Variants in RALGPS1 observed in about 807,000 individuals in gnomAD.
RALGPS1 encodes the protein Ral GEF with PH domain and SH3 binding motif 1.
RALGPS1 carries 19 observed loss-of-function variants against 78.8 expected under a neutral mutation model. That is an observed-to-expected ratio of 0.24 (90% CI 0.17 to 0.35). RALGPS1 has a LOEUF of 0.35. RALGPS1 is among the 10% of genes least tolerant of loss of function. RALGPS1 has a pLI of 1.00. For synonymous variants in RALGPS1, 228 were observed against 256.3 expected, an observed-to-expected ratio of 0.89 and a Z score of 1.06; for missense variants, 454 against 688.3, an observed-to-expected ratio of 0.66 and a Z score of 3.81.
intron 1 of RALGPS1, among the ~76,000 whole-genome samples, chr9:126,943,737 A>G (rs1161670443): frequency 6.6e-6 from 1 of 152,064 alleles, no homozygotes; most frequent in Non-Finnish European, 1.5e-5. Context: ...GACTGCTTTC[A>G]CTGCCCCTTT....
chr9:126,926,096 T>C (rs576140014), intron 1 of RALGPS1, among the ~76,000 whole-genome samples: 6 of 152,394 alleles, frequency 3.9e-5, no homozygotes, highest in African/African-American at 1.2e-4. Context: ...CATCTATTAC[T>C]GAAACATTAC....
chr9:127,060,133 C>A (rs1321770515), intron 7 of RALGPS1, among the ~76,000 whole-genome samples: 1 of 152,112 alleles, frequency 6.6e-6, no homozygotes, highest in Non-Finnish European at 1.5e-5. Flanking sequence ...CGGCTGCCCA[C>A]ACATGGGGGG....
At chr9:127,015,083 G>T (rs145307259) in intron 4 of RALGPS1, among the ~76,000 whole-genome samples, 6 of 152,118 alleles carry the variant, frequency 3.9e-5, no homozygotes, top group Non-Finnish European at 8.8e-5. Flanking sequence ...TTCCTTCCCT[G>T]TCTTTTTGTT....
chr9:127,120,870 C>G (rs1174841076), intron 8 of RALGPS1, among the ~76,000 whole-genome samples: 1 of 152,110 alleles, frequency 6.6e-6, no homozygotes, highest in African/African-American at 2.4e-5. Context: ...CTTCCCTTCC[C>G]TCTGTGCCAG....
At position 127,122,084 on chromosome 9, in the gene RALGPS1, G is replaced by A. The variant is rs1254450745; in HGVS notation, c.611-43985G>A. Among the ~76,000 whole-genome samples the A allele has an allele frequency of 6.6e-6, 1 of 152,196 alleles. No homozygotes were observed. Among genetic ancestry groups the A allele is most frequent in the Non-Finnish European group, 1.5e-5 (1 of 68,030 alleles). Reference sequence around the variant, plus strand: ...AAAGAGGAGAGTGAGGCTTACTCATGAAGTCCTCGAGATGCCAGCCCATGA... The same window carrying A: ...AAAGAGGAGAGTGAGGCTTACTCATAAAGTCCTCGAGATGCCAGCCCATGA... On this transcript the variant is annotated intron_variant, in intron 8 of 18. Transcript: ENST00000259351. This position sits in a 1 kb window ranked among gnomAD's most constrained non-coding sequence, Gnocchi z 6.4.
chr9:127,015,002 AAAAT>A (rs770078174), intron 4 of RALGPS1, among the ~76,000 whole-genome samples: 2 of 152,344 alleles, frequency 1.3e-5, no homozygotes, highest in Non-Finnish European at 2.9e-5. Flanking sequence ...AGACTTAAAT[AAAAT>A]AAAGTAGATT....
At chr9:127,123,105 T>C (rs777838856) in intron 8 of RALGPS1, among the ~76,000 whole-genome samples, 2 of 152,200 alleles carry the variant, frequency 1.3e-5, no homozygotes, top group Non-Finnish European at 2.9e-5. Flanking sequence ...AGCCCCAGGC[T>C]GGCGGGCGGG....
intron 5 of RALGPS1, among the ~76,000 whole-genome samples, chr9:127,038,203 A>G (rs1411814619): frequency 1.3e-5 from 2 of 152,234 alleles, no homozygotes; most frequent in African/African-American, 4.8e-5. Context: ...TTTTAAAAAC[A>G]TTTATTGAGC....
chr9:127,106,377 T>C (rs2054217007), intron 8 of RALGPS1, among the ~76,000 whole-genome samples: 1 of 152,242 alleles, frequency 6.6e-6, no homozygotes, highest in Non-Finnish European at 1.5e-5. Context: ...AAAAAGGGAC[T>C]GTTTATTTCA....
intron 1 of RALGPS1, among the ~76,000 whole-genome samples, chr9:126,939,754 G>T (rs526893): frequency 6.6e-6 from 1 of 152,200 alleles, no homozygotes; most frequent in Non-Finnish European, 1.5e-5. Flanking sequence ...CATGACCCTC[G>T]CTTTACAGAG....
At chr9:126,954,470 A>G (rs577612861) in intron 1 of RALGPS1, among the ~76,000 whole-genome samples, 2 of 152,288 alleles carry the variant, frequency 1.3e-5, no homozygotes, top group East Asian at 1.9e-4. Flanking sequence ...TGCTGATCAG[A>G]TCATGTCACT....
chr9:126,991,807 C>T (rs1405811138), intron 4 of RALGPS1, among the ~76,000 whole-genome samples: 1 of 152,196 alleles, frequency 6.6e-6, no homozygotes, highest in Non-Finnish European at 1.5e-5. Flanking sequence ...ATGGACCTCG[C>T]ACATGGCAGA....
rs140839975 is a variant in RALGPS1, at chr9:127,037,607, C to G, written c.300+3093C>G. ...AGTACCATCTGAACTTGGTCTTGCT[C>G]TCTCCACCTCCAGGTTCTGCTTTCC... On this transcript the variant is annotated intron_variant, in intron 5 of 18. Transcript: ENST00000259351. Among the ~76,000 whole-genome samples, 8 of 152,384 alleles carry G rather than the reference C, an allele frequency of 5.2e-5. No homozygotes were observed. The East Asian group carries it at 1.5e-3, about 29-fold the overall frequency.
chr9:126,918,383 T>G (rs1163744286), intron 1 of RALGPS1, among the ~76,000 whole-genome samples: 1 of 152,194 alleles, frequency 6.6e-6, no homozygotes, highest in Admixed American at 6.5e-5. Flanking sequence ...GTTAGCCAGA[T>G]TGGAGTGCAG....
At chr9:127,207,376 T>C (rs1166356508) in intron 14 of RALGPS1, among the ~76,000 whole-genome samples, 2 of 152,094 alleles carry the variant, frequency 1.3e-5, no homozygotes, top group Non-Finnish European at 2.9e-5. Context: ...CCACCTAAGA[T>C]CCCTGAGAGG....
intron 10 of RALGPS1, among the ~76,000 whole-genome samples, chr9:127,169,947 T>C (rs978872197): frequency 8.5e-5 from 13 of 152,246 alleles, no homozygotes; most frequent in Non-Finnish European, 1.2e-4. Flanking sequence ...TTTCAACTTA[T>C]GATGGGTTTA....
intron 8 of RALGPS1, among the ~76,000 whole-genome samples, chr9:127,162,499 T>A (rs572233334): frequency 2.6e-5 from 4 of 152,334 alleles, no homozygotes; most frequent in East Asian, 3.9e-4. Flanking sequence ...GTTTTCATTG[T>A]GGGAGTGAAA....
At chr9:127,066,115 CAGGCTGGGCAGGT>C (rs1346933775) in intron 7 of RALGPS1, among the ~76,000 whole-genome samples, 2 of 152,142 alleles carry the variant, frequency 1.3e-5, no homozygotes, top group Non-Finnish European at 2.9e-5. Flanking sequence ...AGGCACTTGA[CAGGCTGGGCAGGT>C]AGGCTGGGCA....
chr9:127,139,264 C>G (rs7874020), intron 8 of RALGPS1, among the ~76,000 whole-genome samples: 1,662 of 152,312 alleles, frequency 0.011, 29 homozygotes, highest in African/African-American at 0.039. Flanking sequence ...AGCTGCTGAC[C>G]TGCCATTCCT....
Sources: allele counts gnomAD v4.1 joint callset (sites outside exome capture counted in the v4.1 genomes callset), GRCh38; gene constraint gnomAD v4.1.1; non-coding constraint Gnocchi (gnomAD v3.1); transcripts MANE v1.5; gene names NCBI Gene and HGNC (gene_info 2026-07-23, HGNC 2026-07-21).